Variants in COL21A1 observed in about 807,000 individuals in gnomAD.
COL21A1 encodes collagen alpha-1(XXI) chain.
Under a neutral mutation model 137.9 loss-of-function variants are expected in COL21A1, and 149 were observed. The ratio of observed to expected loss-of-function variants is 1.08; its 90% CI spans 0.95 to 1.24. The LOEUF (loss-of-function observed/expected upper bound fraction) is 1.24, where lower values mean the gene tolerates loss of function less well. Ranked by LOEUF, COL21A1 falls within the 50% of genes most tolerant of loss-of-function variation. The pLI is 0.00. For missense variants in COL21A1, 1,167 were observed against 1,158.4 expected (o/e 1.01, Z -0.11); for synonymous variants, 456 against 391.5 (o/e 1.16, Z -1.95).
At chr6:56,134,598 C>T (rs9349802) in intron 12 of COL21A1, among the ~76,000 whole-genome samples, 72,251 of 152,054 alleles carry the variant, frequency 0.48, 17,895 homozygotes, top group East Asian at 0.73. Context: ...TGGAATGATA[C>T]GGTTTGGCTA....
intron 1 of COL21A1, among the ~76,000 whole-genome samples, chr6:56,275,292 A>C (rs1464182607): frequency 6.6e-6 from 1 of 152,190 alleles, no homozygotes; most frequent in Admixed American, 6.5e-5. Flanking sequence ...CCTTCTCTAC[A>C]TTGCCCTTGA....
At chr6:56,348,838 C>T (rs923697817) in intron 1 of COL21A1, among the ~76,000 whole-genome samples, 1 of 152,068 alleles carries the variant, frequency 6.6e-6, no homozygotes, top group Non-Finnish European at 1.5e-5. Flanking sequence ...CTTGTTTTAG[C>T]CAGAATGTAT....
intron 17 of COL21A1, among the ~76,000 whole-genome samples, chr6:56,098,688 A>AATATATAAATATATATATAAAT (rs1770102503): frequency 5.3e-5 from 2 of 38,036 alleles, no homozygotes; most frequent in African/African-American, 1.2e-4. Context: ...AATATATATA[A>AATATATAAATATATATATAAAT]ATATATAAAT....
rs1194167049 is a variant in COL21A1, at chr6:56,125,638, A to T, written c.1597-18T>A. 3 of 1,472,080 alleles carry T rather than the reference A, an allele frequency of 2.0e-6. No homozygotes were observed. Among genetic ancestry groups the T allele is most frequent in the Non-Finnish European group, 2.8e-6 (3 of 1,084,440 alleles). The allele number at this position is 1,472,080 out of a possible 1,614,324, so 91.2% of individuals were successfully genotyped here. A position where few individuals can be genotyped will look rare whatever the true frequency, so the allele number is the denominator to read the frequency against. On this transcript the variant is annotated intron_variant, in intron 13 of 29. Transcript: ENST00000244728. ...ATTTCACCCTAAAAGACAAAATATA[A>T]ATAGTGAATATTTAAGAAATATGAA...
chr6:56,130,648 T>G (rs1461385610), intron 12 of COL21A1, among the ~76,000 whole-genome samples: 2 of 148,284 alleles, frequency 1.3e-5, no homozygotes, highest in East Asian at 3.9e-4. Flanking sequence ...CATCCACTCA[T>G]GTTGGGACAG....
At chr6:56,113,222 AAG>A (rs1477783901) in intron 16 of COL21A1, among the ~76,000 whole-genome samples, 1 of 152,220 alleles carries the variant, frequency 6.6e-6, no homozygotes, top group Non-Finnish European at 1.5e-5. Context: ...TGGGGCAGCC[AAG>A]AGAGTGTTGA....
intron 10 of COL21A1, among the ~76,000 whole-genome samples, chr6:56,144,044 G>A (rs1453475218): frequency 6.6e-6 from 1 of 152,136 alleles, no homozygotes; most frequent in Non-Finnish European, 1.5e-5. Context: ...GCTCAGCCCT[G>A]TATGTCTACT....
chr6:56,192,175 G>A (rs6930358), intron 1 of COL21A1, among the ~76,000 whole-genome samples: 64,894 of 151,906 alleles, frequency 0.43, 15,373 homozygotes, highest in East Asian at 0.71. Flanking sequence ...GGACCCCTTC[G>A]TTACACCGTA....
intron 1 of COL21A1, among the ~76,000 whole-genome samples, chr6:56,267,768 AAAAAG>A (rs1388189168): frequency 2.0e-3 from 234 of 116,258 alleles, no homozygotes; most frequent in African/African-American, 6.3e-3. Context: ...AAAAAAAAAA[AAAAAG>A]AAGAAGAAGA....
In COL21A1 at chr6:56,156,954, G is replaced by A. The variant is rs1775789794; in HGVS notation, c.1372-5C>T. ...CCCAGGCAGTCCAGGGTCACCCTAA[G>A]CAGGAAGCAAACAAACTTTTGAGTA... On this transcript the variant is annotated splice_polypyrimidine_tract_variant and splice_region_variant and intron_variant, in intron 9 of 29. Coordinates refer to ENST00000244728, the MANE Select transcript of COL21A1 (RefSeq NM_030820.4). 6.2e-7 allele frequency: 1 copy of A among 1,608,748 alleles called. No individual in the cohort carries two copies. Among genetic ancestry groups the A allele is most frequent in the East Asian group, 2.2e-5 (1 of 44,782 alleles).
intron 16 of COL21A1, among the ~76,000 whole-genome samples, chr6:56,109,830 A>C (rs2152184938): frequency 6.6e-6 from 1 of 152,136 alleles, no homozygotes; most frequent in African/African-American, 2.4e-5. Context: ...TCAAGAAGAA[A>C]GATAAAATCT....
chr6:56,374,425 T>C (rs2093995577), intron 1 of COL21A1, among the ~76,000 whole-genome samples: 1 of 152,106 alleles, frequency 6.6e-6, no homozygotes, highest in South Asian at 2.1e-4. Context: ...AACCAAGAAA[T>C]ATGATAAGTA....
At chr6:56,089,895 A>T (rs558542447) in intron 17 of COL21A1, among the ~76,000 whole-genome samples, 3 of 152,312 alleles carry the variant, frequency 2.0e-5, no homozygotes, top group Admixed American at 1.3e-4. Context: ...AAAGAGAAAA[A>T]ATCAAATAAA....
At chr6:56,226,324 A>G (rs1781191824) in intron 1 of COL21A1, among the ~76,000 whole-genome samples, 1 of 151,998 alleles carries the variant, frequency 6.6e-6, no homozygotes. Flanking sequence ...CTTTTTACAA[A>G]ATGTTCCTCG....
intron 1 of COL21A1, among the ~76,000 whole-genome samples, chr6:56,338,415 T>C (rs536488529): frequency 1.6e-4 from 24 of 151,950 alleles, no homozygotes; most frequent in Non-Finnish European, 2.2e-4. Context: ...CACAGTTCTC[T>C]GACAATGGAG....
At chr6:56,218,011 A>G (rs764393650) in intron 1 of COL21A1, among the ~76,000 whole-genome samples, 3 of 152,120 alleles carry the variant, frequency 2.0e-5, no homozygotes, top group Non-Finnish European at 4.4e-5. Context: ...AGAGCTTCAC[A>G]TATTATGACA....
chr6:56,077,457 G>A, intron 18 of COL21A1, 72 bp downstream of exon 18: 1 of 959,010 alleles, frequency 1.0e-6, no homozygotes, highest in Non-Finnish European at 1.6e-6. Flanking sequence ...ATGTAAAACT[G>A]TATTTTATTG....
intron 1 of COL21A1, among the ~76,000 whole-genome samples, chr6:56,207,923 A>G (rs1779897079): frequency 6.6e-6 from 1 of 152,152 alleles, no homozygotes; most frequent in African/African-American, 2.4e-5. Context: ...AACAGCACCA[A>G]TGACAAAAAT....
intron 1 of COL21A1, among the ~76,000 whole-genome samples, chr6:56,330,394 T>C (rs1765190512): frequency 1.3e-5 from 2 of 152,222 alleles, no homozygotes; most frequent in Admixed American, 6.6e-5. Context: ...AAATCATCAA[T>C]AAAAATATTC....
Sources: allele counts gnomAD v4.1 joint callset (sites outside exome capture counted in the v4.1 genomes callset), GRCh38; gene constraint gnomAD v4.1.1; transcripts MANE v1.5; gene names NCBI Gene and HGNC (gene_info 2026-07-23, HGNC 2026-07-21).